SLC25A26: variants seen among roughly 807,000 people sequenced by gnomAD.
The protein encoded by SLC25A26 is solute carrier family 25 member 26.
Under a neutral mutation model 37.8 loss-of-function variants are expected in SLC25A26, and 36 were observed. That is an observed-to-expected ratio of 0.95 (90% CI 0.73 to 1.26). The LOEUF is 1.26. Ranked by LOEUF, SLC25A26 falls within the 50% of genes most tolerant of loss-of-function variation. The pLI is 0.00. For synonymous variants in SLC25A26, 129 were observed against 122.5 expected, an observed-to-expected ratio of 1.05 and a Z score of -0.35; for missense variants, 390 against 331.1, an observed-to-expected ratio of 1.18 and a Z score of -1.38.
chr3:66,364,446 A>G (rs2076781536), intron 7 of SLC25A26, among the ~76,000 whole-genome samples: 1 of 152,134 alleles, frequency 6.6e-6, no homozygotes, highest in African/African-American at 2.4e-5. Flanking sequence ...GGAGAAAGGG[A>G]GCGAGGTGCC....
At chr3:66,313,250 A>G (rs1029953861) in intron 5 of SLC25A26, among the ~76,000 whole-genome samples, 12 of 152,106 alleles carry the variant, frequency 7.9e-5, no homozygotes, top group African/African-American at 2.9e-4. Flanking sequence ...TAGAGTTTTT[A>G]TGGTTCTGGG....
chr3:66,262,095 G>C lies in SLC25A26; in HGVS notation c.345G>C (p.Arg115Ser). The change falls in exon 4 of 10, where the codon AGG (arginine) becomes AGC (serine). Residue 115 changes from arginine (R) to serine (S), a missense_variant. By Grantham distance (110) the Arg-to-Ser change is moderately radical. Coordinates refer to ENST00000354883, the MANE Select transcript of SLC25A26 (RefSeq NM_001379210.1). ...IRVPSEVVKQ[R>S]AQVSASTRTF... Reference sequence around the variant, plus strand: ...TTCCATCTGAAGTGGTTAAGCAGAGGGCACAGGTATCTGCTTCTACAAGAA... The same window carrying C: ...TTCCATCTGAAGTGGTTAAGCAGAGCGCACAGGTATCTGCTTCTACAAGAA... The C allele has an allele frequency of 6.3e-7, 1 of 1,590,494 alleles. No individual in the cohort carries two copies. The highest frequency in any genetic ancestry group is 8.6e-7 in the Non-Finnish European group (1 of 1,167,626).
chr3:66,301,143 T>G (rs904001978), intron 5 of SLC25A26, among the ~76,000 whole-genome samples: 2 of 152,206 alleles, frequency 1.3e-5, no homozygotes, highest in African/African-American at 4.8e-5. Flanking sequence ...GTAGATCTCA[T>G]GTAAAGGTGA....
intron 5 of SLC25A26, among the ~76,000 whole-genome samples, chr3:66,301,246 G>A (rs1392017673): frequency 6.6e-6 from 1 of 152,208 alleles, no homozygotes; most frequent in Non-Finnish European, 1.5e-5. Context: ...GAAGTGAAAT[G>A]TGAAGTTAAT....
At chr3:66,141,687 A>G (rs28545313) in intron 1 of SLC25A26, among the ~76,000 whole-genome samples, 50,458 of 151,830 alleles carry the variant, frequency 0.33, 8,498 homozygotes, top group East Asian at 0.39. Context: ...TGATTTTTGT[A>G]TTTTTTATTA....
At chr3:66,273,421 T>G (rs552712107) in intron 5 of SLC25A26, among the ~76,000 whole-genome samples, 1 of 152,114 alleles carries the variant, frequency 6.6e-6, no homozygotes, top group African/African-American at 2.4e-5. Context: ...CATCTGGTCC[T>G]GGACTCTTTT....
chr3:66,241,422 C>T (rs144164296), intron 2 of SLC25A26, among the ~76,000 whole-genome samples: 20,892 of 152,124 alleles, frequency 0.14, 1,624 homozygotes, highest in East Asian at 0.31. Context: ...TCTAAAGATC[C>T]TTTTATCTTA....
At chr3:66,202,589 G>A (rs2071125788) in intron 1 of SLC25A26, among the ~76,000 whole-genome samples, 1 of 151,028 alleles carries the variant, frequency 6.6e-6, no homozygotes, top group Admixed American at 6.6e-5. Context: ...CCTTAACAAG[G>A]GTAGATGTCC....
At chr3:66,287,637 C>T (rs2074559981) in intron 5 of SLC25A26, among the ~76,000 whole-genome samples, 1 of 152,146 alleles carries the variant, frequency 6.6e-6, no homozygotes, top group South Asian at 2.1e-4. Flanking sequence ...AAAATAATTT[C>T]AACATTCACC....
At chr3:66,310,457 C>G (rs984884510) in intron 5 of SLC25A26, among the ~76,000 whole-genome samples, 1 of 152,120 alleles carries the variant, frequency 6.6e-6, no homozygotes, top group African/African-American at 2.4e-5. Context: ...ATCCAATTTG[C>G]CAGTCTGTTT....
At chr3:66,181,078 C>T (rs2070697055) in intron 1 of SLC25A26, among the ~76,000 whole-genome samples, 1 of 152,172 alleles carries the variant, frequency 6.6e-6, no homozygotes, top group Non-Finnish European at 1.5e-5. Context: ...GGACTTGCAG[C>T]CTTCAGTACT....
At chr3:66,330,696 C>G (rs1010271458) in intron 5 of SLC25A26, among the ~76,000 whole-genome samples, 7 of 151,520 alleles carry the variant, frequency 4.6e-5, no homozygotes, top group Admixed American at 1.3e-4. Context: ...AGTTTGTAAA[C>G]TGCTGAAACA....
Position 66,232,035 on chromosome 3 carries a change from T to G in SLC25A26, c.34-4509T>G, listed in dbSNP as rs144647480. ...GGATGGACTTTTAGGTTGTTTTCAATTTTTTATTATTACAGAAATGCTGTA... is the reference window on the plus strand; with the variant it reads ...GGATGGACTTTTAGGTTGTTTTCAAGTTTTTATTATTACAGAAATGCTGTA... On this transcript the variant is annotated intron_variant, in intron 1 of 9. Coordinates refer to ENST00000354883, the MANE Select transcript of SLC25A26 (RefSeq NM_001379210.1). 6.4e-3 allele frequency among the ~76,000 whole-genome samples: 969 copies of G among 152,318 alleles called. 10 individuals are homozygous for G. Among genetic ancestry groups the G allele is most frequent in the African/African-American group, 0.022 (906 of 41,576 alleles).
At chr3:66,269,600 C>T (rs1047751114) in intron 5 of SLC25A26, among the ~76,000 whole-genome samples, 6 of 152,148 alleles carry the variant, frequency 3.9e-5, no homozygotes, top group African/African-American at 1.2e-4. Context: ...ATGGAGATTG[C>T]ACCAGTTGGA....
At chr3:66,262,903 T>C (rs2073587432) in intron 4 of SLC25A26, among the ~76,000 whole-genome samples, 1 of 152,246 alleles carries the variant, frequency 6.6e-6, no homozygotes, top group African/African-American at 2.4e-5. Context: ...GCTATAAATA[T>C]AATTGTTTTT....
intron 1 of SLC25A26, among the ~76,000 whole-genome samples, chr3:66,141,970 T>G (rs533675567): frequency 6.6e-6 from 1 of 152,170 alleles, no homozygotes; most frequent in Non-Finnish European, 1.5e-5. Flanking sequence ...TATTTTCACT[T>G]TCCTTTATTT....
rs376265851 is a variant in SLC25A26 at position 66,340,075 on chromosome 3, C to T, written c.454-6289C>T. Among the ~76,000 whole-genome samples the T allele has an allele frequency of 1.3e-3, 200 of 152,136 alleles. 1 individual carries two copies. The highest frequency in any genetic ancestry group is 2.4e-3 in the Non-Finnish European group (161 of 67,898). On this transcript the variant is annotated intron_variant, in intron 5 of 9. Coordinates refer to ENST00000354883, the MANE Select transcript of SLC25A26 (RefSeq NM_001379210.1). ...CCAGGCTCATTCTTTTCCATCTGGA[C>T]ATCCATTTTTCCCAATATCGTTTGT...
intron 5 of SLC25A26, among the ~76,000 whole-genome samples, chr3:66,328,955 G>A (rs1479328258): frequency 6.6e-6 from 1 of 152,036 alleles, no homozygotes; most frequent in African/African-American, 2.4e-5. Flanking sequence ...TCCAAAATAT[G>A]TGCCACCTAG....
At chr3:66,314,928 T>A (rs1054370417) in intron 5 of SLC25A26, among the ~76,000 whole-genome samples, 4 of 152,066 alleles carry the variant, frequency 2.6e-5, no homozygotes, top group Non-Finnish European at 5.9e-5. Flanking sequence ...TTTATAGTAT[T>A]CTCTGATCAT....
Sources: gnomAD v4.1 joint callset for allele counts (sites outside exome capture counted in the v4.1 genomes callset) on GRCh38, gnomAD v4.1.1 for gene constraint, MANE v1.5 for transcripts, NCBI Gene and HGNC (gene_info 2026-07-23, HGNC 2026-07-21) for gene names.